The following ZFYVE28 variants were observed in gnomAD, a reference collection of about 807,000 sequenced individuals.
ZFYVE28 encodes the protein lateral signaling target protein 2 homolog.
ZFYVE28 carries 40 observed loss-of-function variants against 82.1 expected under a neutral mutation model. The ratio of observed to expected loss-of-function variants is 0.49; its 90% CI spans 0.38 to 0.63. ZFYVE28 has a LOEUF of 0.63. Among genes scored for constraint, ZFYVE28 ranks in the 30% least tolerant of loss-of-function variants. The pLI, the probability that ZFYVE28 is intolerant of heterozygous loss-of-function variation, is 0.00. For missense variants in ZFYVE28, 1,321 were observed against 1,242.1 expected (o/e 1.06, Z -0.96); for synonymous variants, 612 against 546.1 (o/e 1.12, Z -1.68).
chr4:2,308,635 A>AAGAG (rs1163437462), intron 7 of ZFYVE28, among the ~76,000 whole-genome samples: 1 of 118,116 alleles, frequency 8.5e-6, no homozygotes, highest in Non-Finnish European at 1.8e-5. Context: ...GACAGAAAGA[A>AAGAG]AGAAAGAAAG....
At chr4:2,318,030 C>T (rs1346622554) in intron 7 of ZFYVE28, among the ~76,000 whole-genome samples, 3 of 152,220 alleles carry the variant, frequency 2.0e-5, no homozygotes, top group African/African-American at 7.2e-5. Flanking sequence ...GACTGGCAGG[C>T]GTGCTGCTTG....
At chr4:2,413,191 C>T (rs1231474981) in intron 1 of ZFYVE28, among the ~76,000 whole-genome samples, 1 of 152,230 alleles carries the variant, frequency 6.6e-6, no homozygotes, top group Non-Finnish European at 1.5e-5. Flanking sequence ...ACAGAAACCT[C>T]AGCAAAGCGC....
intron 8 of ZFYVE28, among the ~76,000 whole-genome samples, chr4:2,291,641 G>C (rs1011418625): frequency 6.6e-6 from 1 of 152,196 alleles, no homozygotes; most frequent in Non-Finnish European, 1.5e-5. Context: ...CCTGGGGTCA[G>C]GAGAGCGGGA....
At position 2,291,114 on chromosome 4, in the gene ZFYVE28, C is replaced by T. The variant is rs1577923977; in HGVS notation, c.2051+13175G>A. On this transcript the variant is annotated intron_variant, in intron 8 of 12. Transcript: ENST00000290974. ...GTCTCGCACCTTGCAGGCGCTTTTG[C>T]TGCTTTAAAAAGCTCTCTGAACAGA... is the stretch of plus-strand genomic sequence containing the variant. Among the ~76,000 whole-genome samples, 3 of 152,346 alleles carry T rather than the reference C, an allele frequency of 2.0e-5. 1 individual carries two copies. Among genetic ancestry groups the T allele is most frequent in the African/African-American group, 7.2e-5 (3 of 41,584 alleles).
rs995311757 is a variant in ZFYVE28 at position 2,341,772 on chromosome 4, C to T, written c.181-157G>A. ...CGGTGGCTCATGCCTATAATGCCAG[C>T]ACTTTGGGAGGCCGAGGCGGGTGGT... is the stretch of plus-strand genomic sequence containing the variant. On this transcript the variant is annotated intron_variant, in intron 2 of 12. Transcript: ENST00000290974. This position sits in a 1 kb window ranked among gnomAD's most constrained non-coding sequence, Gnocchi z 4.5. 1.3e-5 allele frequency among the ~76,000 whole-genome samples: 2 copies of T among 152,166 alleles called. No individual in the cohort carries two copies. Among genetic ancestry groups the T allele is most frequent in the African/African-American group, 4.8e-5 (2 of 41,420 alleles).
chr4:2,380,525 G>A (rs1728622334), intron 1 of ZFYVE28, among the ~76,000 whole-genome samples: 1 of 152,204 alleles, frequency 6.6e-6, no homozygotes, highest in South Asian at 2.1e-4. Flanking sequence ...CACCTGGTTT[G>A]AAGGATTTGT....
At chr4:2,353,850 G>T (rs1350327890) in intron 2 of ZFYVE28, 83 bp downstream of exon 2, 2 of 1,302,634 alleles carry the variant, frequency 1.5e-6, no homozygotes, top group Non-Finnish European at 2.0e-6. Flanking sequence ...GCCAGCAGGT[G>T]ACAAAGCCTT....
chr4:2,299,482 A>G (rs1258533885), intron 8 of ZFYVE28, among the ~76,000 whole-genome samples: 2 of 149,140 alleles, frequency 1.3e-5, no homozygotes, highest in African/African-American at 5.0e-5. Flanking sequence ...GGCTGGGCAC[A>G]GCGGCCCACA....
At position 2,305,169 on chromosome 4, in the gene ZFYVE28, G is replaced by A. The variant is rs117409587; in HGVS notation, c.1171C>T (p.Arg391Trp). ...GEASPGRPRL[R>W]SGSDEEERVF... is the part of the protein sequence containing the mutation. Reference sequence around the variant, plus strand: ...CGCTCCTCCTCGTCACTGCCTGACCGCAGGCGCGGTCTACCTGGAGAGGCC... The same window carrying A: ...CGCTCCTCCTCGTCACTGCCTGACCACAGGCGCGGTCTACCTGGAGAGGCC... Residue 391 changes from arginine to tryptophan, a missense_variant, in exon 8 of 13, where the codon CGG becomes TGG. This residue lies in a region of ZFYVE28 where 978 missense variants were observed against 833.7 expected (regional missense o/e 1.17). Transcript: ENST00000290974. The A allele has an allele frequency of 2.3e-4, 360 of 1,592,634 alleles. 1 individual carries two copies. The East Asian group carries it at 4.7e-3, about 21-fold the overall frequency.
intron 1 of ZFYVE28, among the ~76,000 whole-genome samples, chr4:2,385,634 G>A (rs193159033): frequency 6.6e-6 from 1 of 152,320 alleles, no homozygotes; most frequent in East Asian, 1.9e-4. Context: ...CTGAGCCTTT[G>A]CCCTCAGGGC....
At chr4:2,390,383 CGGCCACAGGAAACGAATACAGGCAG>C (rs531495096) in intron 1 of ZFYVE28, among the ~76,000 whole-genome samples, 1 of 152,258 alleles carries the variant, frequency 6.6e-6, no homozygotes, top group East Asian at 1.9e-4. Flanking sequence ...TTGTTGGTGA[CGGCCACAGGAAACGAATACAGGCAG>C]GGCCACCACA....
Position 2,320,104 on chromosome 4 carries a change from T to C in ZFYVE28, c.803+66A>G. 1 of 1,516,740 alleles carries C rather than the reference T, an allele frequency of 6.6e-7. No homozygotes were observed. The highest frequency in any genetic ancestry group is 9.1e-7 in the Non-Finnish European group (1 of 1,097,000). 94.0% of individuals were successfully genotyped at this position (1,516,740 alleles called of 1,614,324 possible). A position where few individuals can be genotyped will look rare whatever the true frequency, so the allele number is the denominator to read the frequency against. On this transcript the variant is annotated intron_variant, in intron 7 of 12. Transcript: ENST00000290974. The surrounding 1 kb of genome is among the most constrained non-coding windows in gnomAD (Gnocchi z 5.1). ...CCTGGAGGCGGCGGCTAAACATGACTTCAGCGCCCACCTGTGGCCCTCCTG... is the reference window on the plus strand; with the variant it reads ...CCTGGAGGCGGCGGCTAAACATGACCTCAGCGCCCACCTGTGGCCCTCCTG...
In ZFYVE28 at chr4:2,305,396, G is replaced by A. The variant is rs1299639714; in HGVS notation, c.944C>T (p.Pro315Leu). Residue 315 changes from proline (P) to leucine (L), a missense_variant, in exon 8 of 13, where the codon CCC becomes CTC. Pro to Leu is a moderately conservative substitution (Grantham distance 98). Coordinates refer to ENST00000290974, the MANE Select transcript of ZFYVE28 (RefSeq NM_020972.3). ...CTTAGCTGAGAGTGGCCCCTCAGGG[G>A]GGAGAGGGGCAGAGAGGGCAGGCGC... is the stretch of plus-strand genomic sequence containing the variant. ...ALAPALSAPL[P>L]PEGPLSAKAK... The A allele has an allele frequency of 3.1e-6, 5 of 1,612,790 alleles. No individual in the cohort carries two copies. Among genetic ancestry groups the A allele is most frequent in the Admixed American group, 1.7e-5 (1 of 60,024 alleles).
intron 1 of ZFYVE28, among the ~76,000 whole-genome samples, chr4:2,415,217 T>G (rs1248017606): frequency 6.6e-6 from 1 of 152,246 alleles, no homozygotes; most frequent in Non-Finnish European, 1.5e-5. Context: ...AAAATGTATG[T>G]CACACAGGAA....
chr4:2,361,278 CA>C (rs10706213), intron 1 of ZFYVE28, among the ~76,000 whole-genome samples: 126,455 of 152,108 alleles, frequency 0.83, 52,622 homozygotes, highest in Admixed American at 0.88. Flanking sequence ...GCTCTCGGTT[CA>C]AAAAATACAA....
intron 1 of ZFYVE28, among the ~76,000 whole-genome samples, chr4:2,389,480 C>T (rs1270769544): frequency 6.6e-6 from 1 of 152,178 alleles, no homozygotes; most frequent in African/African-American, 2.4e-5. Context: ...TCCTATGGCC[C>T]AACTCAAGGC....
rs775063834 is a variant in ZFYVE28 at position 2,273,301 on chromosome 4, A to G, written c.2207-12T>C. The G allele has an allele frequency of 1.2e-5, 20 of 1,606,770 alleles. No individual in the cohort carries two copies. The highest frequency in any genetic ancestry group is 1.7e-5 in the Non-Finnish European group (20 of 1,177,334). ...CTGGTCAGCCACACCTGAGGAAGGA[A>G]GGCCACAGTAACCACGACAGAAGGA... On this transcript the variant is annotated splice_polypyrimidine_tract_variant and intron_variant, in intron 9 of 12. Transcript: ENST00000290974.
At chr4:2,271,249 A>T in intron 12 of ZFYVE28, 62 bp downstream of exon 12, 1 of 1,528,590 alleles carries the variant, frequency 6.5e-7, no homozygotes, top group Non-Finnish European at 8.9e-7. Flanking sequence ...TCCAGACCTC[A>T]GGCTCTGTCC....
Position 2,304,813 on chromosome 4 carries a change from C to T in ZFYVE28, c.1527G>A (p.Gly509=), listed in dbSNP as rs772059250. Residue 509 remains glycine (G), a synonymous_variant, in exon 8 of 13, where the codon GGG becomes GGA. Coordinates refer to ENST00000290974, the MANE Select transcript of ZFYVE28 (RefSeq NM_020972.3). ...TGACCGTGGCTGAGAGCTTCATGCC[C>T]CCTGTCCGGTGGGCGATCATCTCAG... is the stretch of plus-strand genomic sequence containing the variant. ...ETAEMIAHRT[G]GMKLSATVIF... The T allele has an allele frequency of 1.2e-6, 2 of 1,612,700 alleles. No homozygotes were observed. The highest frequency in any genetic ancestry group is 1.1e-5 in the South Asian group (1 of 91,086).
Sources: gnomAD v4.1 joint callset for allele counts (sites outside exome capture counted in the v4.1 genomes callset) on GRCh38, gnomAD v4.1.1 for gene constraint, gnomAD v4.1.1 regional missense constraint, Gnocchi (gnomAD v3.1) non-coding constraint, MANE v1.5 for transcripts, NCBI Gene and HGNC (gene_info 2026-07-23, HGNC 2026-07-21) for gene names.